The following MR1 variants were observed in gnomAD, a reference collection of about 807,000 sequenced individuals.
The protein encoded by MR1 is major histocompatibility complex, class I-related.
In MR1, 44 loss-of-function variants were observed where a neutral mutation model predicts 37.8. The observed-to-expected ratio is 1.16, with a 90% CI of 0.91 to 1.50. The LOEUF is 1.50. Among genes scored for constraint, MR1 ranks in the 40% most tolerant of loss-of-function variants. MR1 has a pLI of 0.00. For synonymous variants in MR1, 153 were observed against 155.8 expected (o/e 0.98, Z 0.13); for missense variants, 386 against 419.1 (o/e 0.92, Z 0.69).
intron 1 of MR1, among the ~76,000 whole-genome samples, chr1:181,036,022 G>T (rs539969907): frequency 9.9e-4 from 150 of 152,184 alleles, no homozygotes; most frequent in African/African-American, 3.3e-3. Flanking sequence ...GCTGATTTCT[G>T]CTTGGGTTCA....
chr1:181,039,775 A>C (rs1008142351), intron 1 of MR1, among the ~76,000 whole-genome samples: 4 of 151,320 alleles, frequency 2.6e-5, no homozygotes, highest in African/African-American at 9.7e-5. Flanking sequence ...CTGAGGCAGG[A>C]GAATTGCTTG....
At chr1:181,041,433 C>T (rs1251062236) in intron 1 of MR1, among the ~76,000 whole-genome samples, 1 of 152,168 alleles carries the variant, frequency 6.6e-6, no homozygotes, top group Admixed American at 6.5e-5. Flanking sequence ...CTACACCAAC[C>T]CAGCTTAGCT....
At chr1:181,045,103 C>G (rs3892173) in intron 1 of MR1, among the ~76,000 whole-genome samples, 43,302 of 152,056 alleles carry the variant, frequency 0.28, 6,916 homozygotes, top group African/African-American at 0.43. Flanking sequence ...TTTTAAATAT[C>G]TGGATCTCTG....
At position 181,049,083 on chromosome 1, in the gene MR1, C is replaced by A. The variant is rs545420101; in HGVS notation, c.99C>A (p.Gly33=). The A allele has an allele frequency of 3.0e-5, 48 of 1,613,870 alleles. No homozygotes were observed. The highest frequency in any genetic ancestry group is 4.0e-5 in the Non-Finnish European group (47 of 1,179,872). The change falls in exon 2 of 6, where the codon GGC becomes GGA. Residue 33 remains glycine, a synonymous_variant. Coordinates refer to ENST00000367580, the MANE Select transcript of MR1 (RefSeq NM_001385161.1). ...ACTCTCTGAGATATTTTCGCCTGGGCGTTTCGGATCCCATCCATGGGGTCC... is the reference window on the plus strand; with the variant it reads ...ACTCTCTGAGATATTTTCGCCTGGGAGTTTCGGATCCCATCCATGGGGTCC... ...RTHSLRYFRL[G]VSDPIHGVPE...
rs748222892 is a variant in MR1 at position 181,055,316 on chromosome 1, T to A, written c.*51T>A. The A allele has an allele frequency of 1.3e-6, 2 of 1,537,856 alleles. No individual in the cohort carries two copies. Among genetic ancestry groups the A allele is most frequent in the South Asian group, 2.2e-5 (2 of 89,160 alleles). On this transcript the variant is annotated 3_prime_UTR_variant, in exon 6 of 6. Transcript: ENST00000367580. ...CCTTCCTCTAGGAGCCATGTTATCC[T>A]CTGTCCCCCATAGAGTCAAGCCTAG...
chr1:181,052,337 G>A lies in MR1; in HGVS notation c.707G>A (p.Trp236Ter). Reference sequence around the variant, plus strand: ...TACCCCCCAGAAATTTACATGACATGGATGAAAAACGGGGAAGAAATTGTC... The same window carrying A: ...TACCCCCCAGAAATTTACATGACATAGATGAAAAACGGGGAAGAAATTGTC... ...GFYPPEIYMT[W>*]MKNGEEIVQE... The change falls in exon 4 of 6, where the codon TGG becomes TAG. Residue 236 changes from tryptophan (W) to a stop codon, truncating the protein, a stop_gained. Transcript: ENST00000367580. LOFTEE classifies it high-confidence loss of function. 1 of 1,614,200 alleles carries A rather than the reference G, an allele frequency of 6.2e-7. No individual in the cohort carries two copies. Among genetic ancestry groups the A allele is most frequent in the Non-Finnish European group, 8.5e-7 (1 of 1,180,038 alleles).
chr1:181,049,852 A>G (rs1323797046), intron 2 of MR1, among the ~76,000 whole-genome samples, 159 bp from the exon 3 acceptor site: 3 of 152,202 alleles, frequency 2.0e-5, no homozygotes, highest in South Asian at 4.1e-4. Context: ...GTGGGCTTCC[A>G]TAAGGGGGAC....
rs1425579849 is a variant in MR1, at chr1:181,056,589, G to A, written c.*1324G>A. 1 of 152,340 alleles carries A rather than the reference G, an allele frequency of 6.6e-6. No homozygotes were observed. The highest frequency in any genetic ancestry group is 1.5e-5 in the Non-Finnish European group (1 of 68,128). The allele number at this position is 152,340 out of a possible 1,614,324, so 9.4% of individuals were successfully genotyped here. On this transcript the variant is annotated 3_prime_UTR_variant, in exon 6 of 6. Transcript: ENST00000367580. ...ATGTTCCTTACTATCCCCAACCCCT[G>A]AGGCCTCACCTACTGCCCTGCCATG...
chr1:181,047,182 T>C (rs1179117681), intron 1 of MR1, among the ~76,000 whole-genome samples: 1 of 152,146 alleles, frequency 6.6e-6, no homozygotes, highest in Non-Finnish European at 1.5e-5. Context: ...CCAAACAGTT[T>C]TGTTTCATTT....
intron 1 of MR1, among the ~76,000 whole-genome samples, chr1:181,040,780 A>C (rs994018892): frequency 1.1e-4 from 16 of 151,308 alleles, no homozygotes; most frequent in Admixed American, 5.9e-4. Context: ...AAAAAAAAAA[A>C]CCCAGAAAGA....
intron 1 of MR1, among the ~76,000 whole-genome samples, chr1:181,044,402 A>G (rs1431148252): frequency 2.0e-5 from 3 of 152,188 alleles, no homozygotes; most frequent in Admixed American, 2.0e-4. Context: ...CCTAAAGGTG[A>G]TGGCAGCAGC....
intron 1 of MR1, among the ~76,000 whole-genome samples, chr1:181,042,522 C>T (rs1657615616): frequency 7.0e-6 from 1 of 143,698 alleles, no homozygotes; most frequent in Admixed American, 6.9e-5. Context: ...ATTTTTTAGG[C>T]CAGGTGCGGT....
intron 5 of MR1, 141 bp from the exon 6 acceptor site, chr1:181,055,084 G>C (rs1658540263): frequency 8.3e-6 from 6 of 722,214 alleles, no homozygotes; most frequent in Non-Finnish European, 1.2e-5. Context: ...GCTAAAGTTT[G>C]TCAAGTACTA....
At chr1:181,034,504 A>G (rs1309988491) in intron 1 of MR1, among the ~76,000 whole-genome samples, 1 of 152,024 alleles carries the variant, frequency 6.6e-6, no homozygotes, top group Non-Finnish European at 1.5e-5. Context: ...CCCTACCTGT[A>G]ATAAAAGATC....
At position 181,052,417 on chromosome 1, in the gene MR1, T is replaced by C; in HGVS notation, c.787T>C (p.Trp263Arg). 1 of 1,614,222 alleles carries C rather than the reference T, an allele frequency of 6.2e-7. No homozygotes were observed. Among genetic ancestry groups the C allele is most frequent in the Non-Finnish European group, 8.5e-7 (1 of 1,180,042 alleles). ...LPSGDGTYQA[W>R]ASIELDPQSS... ...CAGTGGGGATGGAACCTATCAGGCG[T>C]GGGCATCAATTGAGCTTGATCCTCA... The change falls in exon 4 of 6, where the codon TGG becomes CGG. Residue 263 changes from tryptophan to arginine, a missense_variant. By Grantham distance (101) the Trp-to-Arg change is moderately radical (BLOSUM62 -3). Transcript: ENST00000367580.
At chr1:181,054,922 A>G (rs1467932457) in intron 5 of MR1, among the ~76,000 whole-genome samples, 1 of 152,204 alleles carries the variant, frequency 6.6e-6, no homozygotes, top group African/African-American at 2.4e-5. Context: ...TGGGTTGTTA[A>G]TGTTTTCTTT....
chr1:181,048,361 C>A lies in MR1; in HGVS notation c.68-691C>A, dbSNP rs1571391980. 2.0e-5 allele frequency among the ~76,000 whole-genome samples: 3 copies of A among 152,042 alleles called. No individual in the cohort carries two copies. In the South Asian group the frequency reaches 6.2e-4, roughly 31 times the overall value. ...CCAGCCTGGCCAACATGATGAAACA[C>A]TGACTCTACTAAAACTACAAAAAAT... is the stretch of plus-strand genomic sequence containing the variant. On this transcript the variant is annotated intron_variant, in intron 1 of 5. Transcript: ENST00000367580.
At chr1:181,052,639 T>A in intron 4 of MR1, 129 bp downstream of exon 4, 3 of 1,019,728 alleles carry the variant, frequency 2.9e-6, no homozygotes, top group Non-Finnish European at 4.2e-6. Context: ...ATGGGTCTTT[T>A]AAATAAGTGG....
chr1:181,039,865 C>CAAAAAAAAAAAA (rs35762032), intron 1 of MR1, among the ~76,000 whole-genome samples: 4 of 89,782 alleles, frequency 4.5e-5, no homozygotes, highest in Non-Finnish European at 4.7e-5. Flanking sequence ...GACTCCATCT[C>CAAAAAAAAAAAA]AAAAAAAAAA....
Sources: allele counts gnomAD v4.1 joint callset (sites outside exome capture counted in the v4.1 genomes callset), GRCh38; gene constraint gnomAD v4.1.1; transcripts MANE v1.5; gene names NCBI Gene and HGNC (gene_info 2026-07-23, HGNC 2026-07-21).